NELL1: variants seen among roughly 807,000 people sequenced by gnomAD.
NELL1 encodes neural EGFL like 1.
Under a neutral mutation model 107.4 loss-of-function variants are expected in NELL1, and 76 were observed. The observed-to-expected ratio is 0.71, with a 90% CI of 0.59 to 0.86. NELL1 has a LOEUF of 0.86. NELL1 is among the 40% of genes least tolerant of loss of function. The pLI is 0.00. For missense variants in NELL1, 1,024 were observed against 1,005.5 expected (o/e 1.02, Z -0.25); for synonymous variants, 353 against 341.2 (o/e 1.03, Z -0.38).
At chr11:20,777,545 C>T (rs554692419) in intron 2 of NELL1, among the ~76,000 whole-genome samples, 2 of 152,326 alleles carry the variant, frequency 1.3e-5, no homozygotes, top group Admixed American at 6.5e-5. Context: ...TGCCTCCCAT[C>T]CTCCAAAACC....
At chr11:21,051,733 A>G (rs10430837) in intron 12 of NELL1, among the ~76,000 whole-genome samples, 47,961 of 151,838 alleles carry the variant, frequency 0.32, 8,064 homozygotes, top group East Asian at 0.58. Flanking sequence ...TGCTGCCAAA[A>G]TAAATACTTG....
chr11:21,443,207 G>GT (rs1396587305), intron 15 of NELL1, among the ~76,000 whole-genome samples: 1 of 152,018 alleles, frequency 6.6e-6, no homozygotes, highest in Non-Finnish European at 1.5e-5. Flanking sequence ...CAAACTCATC[G>GT]TTTTATGAGG....
intron 14 of NELL1, among the ~76,000 whole-genome samples, chr11:21,333,945 G>T (rs907175498): frequency 4.6e-5 from 7 of 152,096 alleles, no homozygotes; most frequent in African/African-American, 1.7e-4. Flanking sequence ...TTTGGGGCAG[G>T]TCCCTTCTTC....
chr11:21,263,966 T>A (rs187901326), intron 14 of NELL1, among the ~76,000 whole-genome samples: 1 of 152,102 alleles, frequency 6.6e-6, no homozygotes, highest in African/African-American at 2.4e-5. Flanking sequence ...GATGAAATTA[T>A]GTGCATTTAG....
intron 15 of NELL1, among the ~76,000 whole-genome samples, chr11:21,452,474 A>C (rs911159235): frequency 1.3e-5 from 2 of 152,066 alleles, no homozygotes; most frequent in Non-Finnish European, 2.9e-5. Context: ...ATTTATTGAC[A>C]TACAGTTTTT....
At chr11:20,731,780 A>T (rs1220351362) in intron 2 of NELL1, among the ~76,000 whole-genome samples, 1 of 152,254 alleles carries the variant, frequency 6.6e-6, no homozygotes, top group Non-Finnish European at 1.5e-5. Flanking sequence ...TGTATAAAAA[A>T]TGCTAAGCAT....
At chr11:20,764,324 TTTTG>T (rs755603429) in intron 2 of NELL1, among the ~76,000 whole-genome samples, 2 of 152,224 alleles carry the variant, frequency 1.3e-5, no homozygotes, top group African/African-American at 2.4e-5. Context: ...ATCAACAGCT[TTTTG>T]TTTATTTCTT....
At chr11:21,440,202 A>G (rs1428146363) in intron 15 of NELL1, among the ~76,000 whole-genome samples, 3 of 152,162 alleles carry the variant, frequency 2.0e-5, no homozygotes, top group East Asian at 1.9e-4. Flanking sequence ...TGAGGAATGA[A>G]TAGGCACTAA....
intron 13 of NELL1, among the ~76,000 whole-genome samples, chr11:21,146,572 C>G (rs1168573346): frequency 6.6e-6 from 1 of 152,206 alleles, no homozygotes; most frequent in Non-Finnish European, 1.5e-5. Flanking sequence ...TCCTCCTGCC[C>G]TTTATCTGGA....
At chr11:20,898,421 G>A (rs1849798565) in intron 5 of NELL1, among the ~76,000 whole-genome samples, 1 of 151,978 alleles carries the variant, frequency 6.6e-6, no homozygotes, top group Non-Finnish European at 1.5e-5. Context: ...GGCCTGTCAT[G>A]GGGTGGGGGG....
In NELL1 at chr11:21,076,132, CTGTA is replaced by C. The variant is rs200991628; in HGVS notation, c.1301-37453_1301-37450del. Reference sequence around the variant, plus strand: ...AGCTGTGGAAACGGTCTTTTATTCTCTGTATGTGATTGGCACAGTTAATAGAAAA... The same window carrying C: ...AGCTGTGGAAACGGTCTTTTATTCTCTGTGATTGGCACAGTTAATAGAAAA... On this transcript the variant is annotated intron_variant, in intron 12 of 19. Transcript: ENST00000357134. 9.9e-3 allele frequency among the ~76,000 whole-genome samples: 1,504 copies of C among 152,318 alleles called. 11 individuals carry two copies. The highest frequency in any genetic ancestry group is 0.017 in the Admixed American group (255 of 15,298).
rs187748829 is a variant in NELL1, at chr11:20,941,976, G to T, written c.1071+4117G>T. Among the ~76,000 whole-genome samples the T allele has an allele frequency of 6.9e-4, 105 of 152,290 alleles. 1 individual carries two copies. Among genetic ancestry groups the T allele is most frequent in the Middle Eastern group, 3.4e-3 (1 of 294 alleles). ...TGAGGCATCTCCTGAGAAGGTGACA[G>T]AAATCACTGTGTCTCAGAAAAGACC... On this transcript the variant is annotated intron_variant, in intron 10 of 19. Coordinates refer to ENST00000357134, the MANE Select transcript of NELL1 (RefSeq NM_006157.5).
intron 12 of NELL1, among the ~76,000 whole-genome samples, chr11:21,087,669 G>A (rs892995881): frequency 2.6e-5 from 4 of 152,188 alleles, no homozygotes; most frequent in African/African-American, 4.8e-5. Flanking sequence ...GGGAGTATGA[G>A]ATATTGAGTC....
intron 14 of NELL1, among the ~76,000 whole-genome samples, chr11:21,263,777 G>T (rs2133925701): frequency 6.6e-6 from 1 of 151,986 alleles, no homozygotes; most frequent in Non-Finnish European, 1.5e-5. Flanking sequence ...TTTTCTCACT[G>T]AGTGTTTGAA....
At chr11:20,868,740 TG>T (rs1262080010) in intron 4 of NELL1, among the ~76,000 whole-genome samples, 5 of 152,092 alleles carry the variant, frequency 3.3e-5, no homozygotes, top group African/African-American at 1.2e-4. Flanking sequence ...ATTATAAATC[TG>T]GGAAAATCAA....
At chr11:21,337,756 C>CTTTT (rs1850446528) in intron 14 of NELL1, among the ~76,000 whole-genome samples, 1 of 141,752 alleles carries the variant, frequency 7.1e-6, no homozygotes, top group Non-Finnish European at 1.5e-5. Flanking sequence ...TTCTTTCTTT[C>CTTTT]TTTCTTTCTT....
chr11:20,819,300 T>A (rs944097179), intron 3 of NELL1, among the ~76,000 whole-genome samples: 2 of 152,108 alleles, frequency 1.3e-5, no homozygotes, highest in Non-Finnish European at 2.9e-5. Flanking sequence ...ACAGGTGAGG[T>A]TGTCAGAGAA....
At chr11:21,297,759 G>A (rs1207733431) in intron 14 of NELL1, among the ~76,000 whole-genome samples, 5 of 152,016 alleles carry the variant, frequency 3.3e-5, no homozygotes, top group Non-Finnish European at 7.4e-5. Flanking sequence ...TTATAATGGA[G>A]CATAATAAGT....
intron 15 of NELL1, among the ~76,000 whole-genome samples, chr11:21,430,958 A>G (rs1275536053): frequency 6.6e-6 from 1 of 152,186 alleles, no homozygotes; most frequent in Non-Finnish European, 1.5e-5. Flanking sequence ...TAGATATTCA[A>G]TAAATTTTAA....
Sources: gnomAD v4.1 joint callset for allele counts (sites outside exome capture counted in the v4.1 genomes callset) on GRCh38, gnomAD v4.1.1 for gene constraint, MANE v1.5 for transcripts, NCBI Gene and HGNC (gene_info 2026-07-23, HGNC 2026-07-21) for gene names.